Variants in PARVB observed in about 807,000 individuals in gnomAD.
The protein encoded by PARVB is beta-parvin.
PARVB carries 46 observed loss-of-function variants against 47.0 expected under a neutral mutation model. The observed-to-expected ratio is 0.98, with a 90% CI of 0.77 to 1.25. The LOEUF is 1.25. Ranked by LOEUF, PARVB falls within the 50% of genes most tolerant of loss-of-function variation. The pLI is 0.00. For synonymous variants in PARVB, 196 were observed against 196.3 expected, an observed-to-expected ratio of 1.00 and a Z score of 0.01; for missense variants, 473 against 471.6, an observed-to-expected ratio of 1.00 and a Z score of -0.03.
At position 44,159,654 on chromosome 22, in the gene PARVB, T is replaced by C. The variant is rs1185645274; in HGVS notation, c.945+1571T>C. 3.9e-5 allele frequency among the ~76,000 whole-genome samples: 6 copies of C among 152,318 alleles called. No homozygotes were observed. The South Asian group carries it at 1.2e-3, about 32-fold the overall frequency. On this transcript the variant is annotated intron_variant, in intron 11 of 12. Coordinates refer to ENST00000338758, the MANE Select transcript of PARVB (RefSeq NM_013327.5). ...GTTCCTCCTCCAGCCCCTGCCTTTTTTCCCTTTCTCCTCATGGCAGCTGCT... is the reference window on the plus strand; with the variant it reads ...GTTCCTCCTCCAGCCCCTGCCTTTTCTCCCTTTCTCCTCATGGCAGCTGCT...
At chr22:44,098,914 A>G (rs963745180) in intron 2 of PARVB, among the ~76,000 whole-genome samples, 3 of 152,222 alleles carry the variant, frequency 2.0e-5, no homozygotes, top group East Asian at 1.9e-4. Context: ...GGCTCAAGCA[A>G]TCCTCCCGCC....
chr22:44,154,125 A>G (rs760545849), intron 10 of PARVB, among the ~76,000 whole-genome samples: 3 of 152,216 alleles, frequency 2.0e-5, no homozygotes, highest in Non-Finnish European at 4.4e-5. Flanking sequence ...GTGTCTGCAC[A>G]TCAGTATTAG....
intron 10 of PARVB, chr22:44,152,608 C>G (rs898605291): frequency 6.6e-6 from 1 of 152,218 alleles, no homozygotes; most frequent in Non-Finnish European, 1.5e-5. Context: ...GCAAATGTCC[C>G]CCTGGTAGGT....
intron 1 of PARVB, among the ~76,000 whole-genome samples, chr22:44,071,565 C>CT (rs2051655419): frequency 6.6e-6 from 1 of 152,170 alleles, no homozygotes; most frequent in Non-Finnish European, 1.5e-5. Flanking sequence ...ATCCTCCACC[C>CT]GCTGTGGCCT....
At chr22:44,044,634 C>T (rs2051082316) in intron 1 of PARVB, among the ~76,000 whole-genome samples, 1 of 152,110 alleles carries the variant, frequency 6.6e-6, no homozygotes, top group Non-Finnish European at 1.5e-5. Context: ...TACAGGCATG[C>T]ACCACCACAC....
chr22:44,100,323 G>T (rs956195610), intron 3 of PARVB, among the ~76,000 whole-genome samples, 200 bp downstream of exon 3: 2 of 152,174 alleles, frequency 1.3e-5, no homozygotes, highest in African/African-American at 2.4e-5. Flanking sequence ...CCTCCCATGT[G>T]CCCTGCTCGG....
At chr22:44,127,228 A>G (rs1026306196) in intron 4 of PARVB, among the ~76,000 whole-genome samples, 4 of 150,264 alleles carry the variant, frequency 2.7e-5, no homozygotes, top group East Asian at 3.9e-4. Flanking sequence ...CTTGAGTGTC[A>G]AGTGGTTTGA....
chr22:44,163,750 A>T, intron 11 of PARVB, 108 bp from the exon 12 acceptor site: 1 of 898,492 alleles, frequency 1.1e-6, no homozygotes, highest in Non-Finnish European at 1.7e-6. Context: ...TGTGGACGTC[A>T]GCGTTGCAGA....
Position 44,037,364 on chromosome 22 carries a change from G to A in PARVB, c.112+12913G>A, listed in dbSNP as rs932632482. 5.9e-5 allele frequency among the ~76,000 whole-genome samples: 9 copies of A among 152,120 alleles called. No homozygotes were observed. In the South Asian group the frequency reaches 6.2e-4, roughly 11 times the overall value. On this transcript the variant is annotated intron_variant, in intron 1 of 12. Transcript: ENST00000338758. ...CTTGAGCCTGGGAGGTGGAGGTTGC[G>A]GTGAGCTGAGATCGTGCCACTTTGC...
At chr22:44,029,185 A>G (rs1158960141) in intron 1 of PARVB, among the ~76,000 whole-genome samples, 1 of 151,954 alleles carries the variant, frequency 6.6e-6, no homozygotes, top group Non-Finnish European at 1.5e-5. Context: ...GGGTCTCGCT[A>G]TGTTACCCAG....
At chr22:44,067,166 G>A (rs535286622) in intron 1 of PARVB, among the ~76,000 whole-genome samples, 32 of 152,304 alleles carry the variant, frequency 2.1e-4, no homozygotes, top group African/African-American at 7.5e-4. Flanking sequence ...TGAAAATGGC[G>A]TGTCAGGAGC....
intron 1 of PARVB, among the ~76,000 whole-genome samples, chr22:44,075,450 T>C (rs746010638): frequency 1.3e-5 from 2 of 152,186 alleles, no homozygotes; most frequent in Non-Finnish European, 2.9e-5. Context: ...GCATCTGTGG[T>C]ACCTGGTGGA....
intron 1 of PARVB, among the ~76,000 whole-genome samples, chr22:44,080,715 A>AGG (rs2147002593): frequency 6.6e-6 from 1 of 152,296 alleles, no homozygotes; most frequent in East Asian, 1.9e-4. Context: ...TAGAAAGTAC[A>AGG]TCCTTTGAGT....
At chr22:44,042,191 G>A (rs914767885) in intron 1 of PARVB, among the ~76,000 whole-genome samples, 2 of 152,216 alleles carry the variant, frequency 1.3e-5, no homozygotes, top group Non-Finnish European at 2.9e-5. Context: ...GGAGGCCGAG[G>A]CAGGTGGATT....
chr22:44,105,335 G>A (rs1172527116), intron 3 of PARVB: 1 of 152,284 alleles, frequency 6.6e-6, no homozygotes, highest in Non-Finnish European at 1.5e-5. Flanking sequence ...CAGGGGCTGA[G>A]GTCACAGGCC....
rs1482882369 is a variant in PARVB at position 44,171,163 on chromosome 22, G to C, written c.*2485G>C. ...CTTGCCCTGCTCACAGGTGGACCTG[G>C]AGAGGGCACTGTGCCTTCCCAGGGA... On this transcript the variant is annotated 3_prime_UTR_variant, in exon 13 of 13. Transcript: ENST00000338758. The C allele has an allele frequency of 2.0e-5, 3 of 152,382 alleles. No homozygotes were observed. The highest frequency in any genetic ancestry group is 6.5e-5 in the Admixed American group (1 of 15,288). The allele number at this position is 152,382 out of a possible 1,614,324, so 9.4% of individuals were successfully genotyped here.
rs1025918720 is a variant in PARVB, at chr22:44,010,720, C to T, written c.211+11047C>T. ...TTGAATTTTGGTTGCTCTCTGCTCC[C>T]GAATCTGCATAGTATCTGATTTTGT... On this transcript the variant is annotated intron_variant, in intron 2 of 13. Coordinates refer to the PARVB transcript ENST00000406477. Among the ~76,000 whole-genome samples the T allele has an allele frequency of 4.6e-5, 7 of 151,922 alleles. No homozygotes were observed. The East Asian group carries it at 7.7e-4, about 17-fold the overall frequency.
chr22:44,102,913 G>A (rs1312004520), intron 3 of PARVB: 2 of 152,402 alleles, frequency 1.3e-5, no homozygotes, highest in East Asian at 3.8e-4. Flanking sequence ...GATGTGTCTG[G>A]GCTTGAATGG....
chr22:44,008,662 C>CT (rs753225769), intron 2 of PARVB, among the ~76,000 whole-genome samples: 6 of 152,122 alleles, frequency 3.9e-5, no homozygotes, highest in Non-Finnish European at 7.3e-5. Context: ...GCTGCCACAA[C>CT]CTGCCTGTCT....
Sources: gnomAD v4.1 joint callset for allele counts (sites outside exome capture counted in the v4.1 genomes callset) on GRCh38, gnomAD v4.1.1 for gene constraint, MANE v1.5 for transcripts, NCBI Gene and HGNC (gene_info 2026-07-23, HGNC 2026-07-21) for gene names.